AKR1C3: variants seen among roughly 807,000 people sequenced by gnomAD.
AKR1C3 encodes 3-alpha hydroxysteroid dehydrogenase, type II.
A neutral mutation model predicts 43.6 loss-of-function variants in AKR1C3; 48 were observed. The observed-to-expected ratio is 1.10, with a 90% confidence interval of 0.87 to 1.40. The LOEUF (loss-of-function observed/expected upper bound fraction) is 1.40. Ranked by LOEUF, AKR1C3 falls within the 40% of genes most tolerant of loss-of-function variation. The pLI is 0.00. For synonymous variants in AKR1C3, 162 were observed against 139.6 expected (o/e 1.16, Z -1.13); for missense variants, 482 against 391.2 (o/e 1.23, Z -1.96).
intron 5 of AKR1C3, among the ~76,000 whole-genome samples, chr10:5,101,200 C>T (rs1391105040): frequency 6.6e-6 from 1 of 152,160 alleles, no homozygotes; most frequent in Non-Finnish European, 1.5e-5. Flanking sequence ...ATAGGTTTCC[C>T]ATTCAGCAAT....
At chr10:5,065,052 C>G (rs1335136481) in intron 1 of AKR1C3, among the ~76,000 whole-genome samples, 1 of 151,842 alleles carries the variant, frequency 6.6e-6, no homozygotes, top group Non-Finnish European at 1.5e-5. Context: ...TAAATCAAAA[C>G]CACAATGAGA....
rs368800050 is a variant in AKR1C3, at chr10:5,083,896, A to G, written c.85-12514A>G. ...GTCTTCTTTTGAGAAGTGTCTGTTC[A>G]TATACTTTGCCCACTTTTTGATGGG... is the stretch of plus-strand genomic sequence containing the variant. On this transcript the variant is annotated intron_variant, in intron 1 of 8. Transcript: ENST00000439082. Among the ~76,000 whole-genome samples the G allele has an allele frequency of 6.9e-4, 105 of 152,284 alleles. No individual in the cohort carries two copies. The South Asian group carries it at 0.02, about 29-fold the overall frequency.
At chr10:5,050,060 T>C (rs782247555) in intron 1 of AKR1C3, among the ~76,000 whole-genome samples, 2 of 152,228 alleles carry the variant, frequency 1.3e-5, no homozygotes, top group African/African-American at 2.4e-5. Context: ...TTATATCATG[T>C]TCTCCCAAAC....
chr10:5,105,073 T>TA (rs1839465305), intron 7 of AKR1C3, among the ~76,000 whole-genome samples: 1 of 152,180 alleles, frequency 6.6e-6, no homozygotes, highest in African/African-American at 2.4e-5. Context: ...GAGAGTAAGA[T>TA]ACACTTCAAG....
At chr10:5,099,208 A>G in intron 4 of AKR1C3, 119 bp from the exon 5 acceptor site, 1 of 1,505,036 alleles carries the variant, frequency 6.6e-7, no homozygotes, top group South Asian at 1.3e-5. Flanking sequence ...TTTGACAATC[A>G]CTGCTAGCTA....
At chr10:5,086,596 T>G (rs1396537147) in intron 1 of AKR1C3, among the ~76,000 whole-genome samples, 1 of 150,514 alleles carries the variant, frequency 6.6e-6, no homozygotes, top group African/African-American at 2.5e-5. Flanking sequence ...TTAGGTCCGC[T>G]TGGTGCAGAG....
chr10:5,083,948 G>C (rs113308351), intron 1 of AKR1C3, among the ~76,000 whole-genome samples: 4,841 of 152,096 alleles, frequency 0.032, 264 homozygotes, highest in African/African-American at 0.11. Context: ...CTGTAAATTT[G>C]TTTGAGTTCA....
intron 1 of AKR1C3, among the ~76,000 whole-genome samples, chr10:5,087,167 G>GGTCTT (rs1338098742): frequency 6.6e-6 from 1 of 152,126 alleles, no homozygotes; most frequent in Non-Finnish European, 1.5e-5. Context: ...TAGCCTCGCT[G>GGTCTT]GTCTTTACAA....
In AKR1C3 at chr10:5,098,836, G is replaced by A; in HGVS notation, c.404G>A (p.Gly135Glu). The change falls in exon 4 of 9, where the codon GGA (glycine) becomes GAA (glutamate). Residue 135 changes from glycine to glutamate, a missense_variant. Gly to Glu is a moderately conservative substitution (Grantham distance 98). Coordinates refer to ENST00000380554, the MANE Select transcript of AKR1C3 (RefSeq NM_003739.6). The part of the protein sequence containing the change: ...GEELSPTDEN[G>E]KVIFDIVDLC... ...GAACTTTCACCAACAGATGAAAATG[G>A]AAAAGTAATATTTGACATAGTGGAT... The A allele has an allele frequency of 6.2e-7, 1 of 1,613,880 alleles. No homozygotes were observed. The highest frequency in any genetic ancestry group is 1.1e-5 in the South Asian group (1 of 90,974).
chr10:5,080,410 G>A (rs971213301), intron 1 of AKR1C3, among the ~76,000 whole-genome samples: 14 of 152,096 alleles, frequency 9.2e-5, no homozygotes, highest in Non-Finnish European at 2.1e-4. Context: ...GATTGCTTGA[G>A]GCCAGGAGTT....
At chr10:5,051,650 A>T (rs76716262) in intron 1 of AKR1C3, among the ~76,000 whole-genome samples, 6,016 of 152,210 alleles carry the variant, frequency 0.04, 411 homozygotes, top group African/African-American at 0.14. Flanking sequence ...CACCCTGATT[A>T]TCCATTTTCA....
chr10:5,055,160 T>G (rs2131775927), intron 1 of AKR1C3, among the ~76,000 whole-genome samples: 1 of 152,350 alleles, frequency 6.6e-6, no homozygotes, highest in Middle Eastern at 3.4e-3. Flanking sequence ...CAAATATGGT[T>G]ACATCTCTGT....
intron 1 of AKR1C3, among the ~76,000 whole-genome samples, chr10:5,051,741 T>C (rs181508427): frequency 6.6e-6 from 1 of 151,888 alleles, no homozygotes; most frequent in Non-Finnish European, 1.5e-5. Flanking sequence ...GACGTCTTTA[T>C]GCTAGTGATT....
chr10:5,064,468 C>A (rs1838452907), intron 1 of AKR1C3, among the ~76,000 whole-genome samples: 1 of 151,940 alleles, frequency 6.6e-6, no homozygotes, highest in African/African-American at 2.4e-5. Flanking sequence ...TGAAATAGGC[C>A]CTGGCAAAGA....
At chr10:5,102,290 A>G in intron 6 of AKR1C3, 80 bp downstream of exon 6, 1 of 1,574,814 alleles carries the variant, frequency 6.3e-7, no homozygotes, top group Non-Finnish European at 8.7e-7. Flanking sequence ...AGTTTCCTGT[A>G]GTTAAGTTTC....
chr10:5,063,765 C>CAAAAAAAAAAAAAA (rs71391987), intron 1 of AKR1C3, among the ~76,000 whole-genome samples: 988 of 46,384 alleles, frequency 0.021, 180 homozygotes, highest in Admixed American at 0.028. Flanking sequence ...TCTGTCTCAG[C>CAAAAAAAAAAAAAA]AAAAAAAAAA....
At chr10:5,103,339 GTCTT>G (rs1281327794) in intron 7 of AKR1C3, among the ~76,000 whole-genome samples, 1 of 151,724 alleles carries the variant, frequency 6.6e-6, no homozygotes, top group Non-Finnish European at 1.5e-5. Context: ...GCCTGTTTAA[GTCTT>G]TCTTTGACTC....
intron 7 of AKR1C3, among the ~76,000 whole-genome samples, chr10:5,105,039 GATATTTA>G (rs1554786871): frequency 2.1e-5 from 3 of 141,530 alleles, no homozygotes; most frequent in East Asian, 6.0e-4. Flanking sequence ...GCATCCTCTT[GATATTTA>G]AAGTCTCTCA....
At chr10:5,090,901 T>G (rs564438917), upstream of AKR1C3, among the ~76,000 whole-genome samples, 1 of 152,290 alleles carries the variant, frequency 6.6e-6, no homozygotes, top group South Asian at 2.1e-4. Flanking sequence ...AAGAGTCAAA[T>G]GCTATTAATA....
Sources: allele counts gnomAD v4.1 joint callset (sites outside exome capture counted in the v4.1 genomes callset), GRCh38; gene constraint gnomAD v4.1.1; transcripts MANE v1.5; gene names NCBI Gene and HGNC (gene_info 2026-07-23, HGNC 2026-07-21).